Variants in MMP25 observed in about 807,000 individuals in gnomAD.
MMP25 encodes matrix metalloproteinase-25.
MMP25 carries 68 observed loss-of-function variants against 62.1 expected under a neutral mutation model. The ratio of observed to expected loss-of-function variants is 1.10; its 90% CI spans 0.90 to 1.34. The LOEUF (loss-of-function observed/expected upper bound fraction) is 1.34. MMP25 is among the 40% of genes most tolerant of loss of function. The pLI is 0.00. For missense variants in MMP25, 942 were observed against 792.5 expected (o/e 1.19, Z -2.26); for synonymous variants, 407 against 345.6 (o/e 1.18, Z -1.97).
rs1955826048 is a variant in MMP25 at position 3,046,801 on chromosome 16, A to C, written c.-117A>C. On this transcript the variant is annotated 5_prime_UTR_variant, in exon 1 of 10. Coordinates refer to ENST00000336577, the MANE Select transcript of MMP25 (RefSeq NM_022468.5). ...CCAGCCCTCCGGCCGATCCCTCCCT[A>C]CTCGGTGCCGGGTGCCCCCCGCCCT... The C allele has an allele frequency of 2.9e-5, 15 of 511,234 alleles. No homozygotes were observed. The highest frequency in any genetic ancestry group is 4.2e-5 in the Non-Finnish European group (13 of 306,042). 31.7% of individuals were successfully genotyped at this position (511,234 alleles called of 1,614,324 possible). A position where few individuals can be genotyped will look rare whatever the true frequency, so the allele number is the denominator to read the frequency against.
intron 4 of MMP25, among the ~76,000 whole-genome samples, chr16:3,055,537 T>A (rs764900618): frequency 2.6e-5 from 4 of 152,190 alleles, no homozygotes; most frequent in Non-Finnish European, 5.9e-5. Context: ...CCTTGAAGTC[T>A]CTGTGCCTCA....
At chr16:3,057,668 C>G in intron 7 of MMP25, 55 bp downstream of exon 7, 10 of 1,480,130 alleles carry the variant, frequency 6.8e-6, no homozygotes, top group Non-Finnish European at 9.5e-6. Context: ...CTTCCAGTGA[C>G]CCACTGGGGC....
Position 3,058,631 on chromosome 16 carries a change from C to T in MMP25, c.1379C>T (p.Ala460Val), listed in dbSNP as rs1281911650. Residue 460 changes from alanine (A) to valine (V), a missense_variant, in exon 9 of 10, where the codon GCG (alanine) becomes GTG (valine). By Grantham distance (64) the Ala-to-Val change is moderately conservative. Coordinates refer to ENST00000336577, the MANE Select transcript of MMP25 (RefSeq NM_022468.5). ...CGCGACCTGAGCCTCTGGGAAGGCG[C>T]GCCCCCCTCCCCTGACGATGTCACC... Reference protein sequence around the residue: ...YPRDLSLWEGAPPSPDDVTVS... With the variant: ...YPRDLSLWEGVPPSPDDVTVS... 5.0e-6 allele frequency: 8 copies of T among 1,605,414 alleles called. No homozygotes were observed. Among genetic ancestry groups the T allele is most frequent in the African/African-American group, 4.0e-5 (3 of 74,776 alleles).
In MMP25 at chr16:3,057,036, G is replaced by T. The variant is rs150589325; in HGVS notation, c.665G>T (p.Gly222Val). ...TCTCACCCACTTTCTCCTGCAGACG[G>T]CGAGGGGACCGACCTGTTTGCCGTG... The part of the protein sequence containing the change: ...EETWTFGSKD[G>V]EGTDLFAVAV... Residue 222 changes from glycine to valine, a missense_variant, in exon 5 of 10, where the codon GGC becomes GTC. Coordinates refer to ENST00000336577, the MANE Select transcript of MMP25 (RefSeq NM_022468.5). The T allele has an allele frequency of 7.9e-4, 1,240 of 1,569,682 alleles. 2 individuals are homozygous for T. Among genetic ancestry groups the T allele is most frequent in the Non-Finnish European group, 9.4e-4 (1,084 of 1,156,476 alleles).
At chr16:3,047,387 G>A (rs769230476) in intron 1 of MMP25, 28 bp from the exon 2 acceptor site, 5 of 1,597,960 alleles carry the variant, frequency 3.1e-6, no homozygotes, top group Admixed American at 3.4e-5. Flanking sequence ...CACCCAGCCC[G>A]CTTCACCTGC....
rs766778698 is a variant in MMP25 at position 3,057,397 on chromosome 16, G to A, written c.923+3G>A. 1.1e-5 allele frequency: 17 copies of A among 1,610,988 alleles called. No individual in the cohort carries two copies. The Admixed American group carries it at 2.8e-4, about 27-fold the overall frequency. ...CCCCCGGCCTCGCCCACACACAGGT[G>A]AGTCCCCCACCAACTCGGAGACCTT... On this transcript the variant is annotated splice_donor_region_variant and intron_variant, in intron 6 of 9. Coordinates refer to ENST00000336577, the MANE Select transcript of MMP25 (RefSeq NM_022468.5).
intron 4 of MMP25, chr16:3,055,735 C>T (rs1054786229): frequency 1.4e-5 from 6 of 434,388 alleles, no homozygotes; most frequent in African/African-American, 1.2e-4. Flanking sequence ...ACAGTGCTGA[C>T]CTTAGTTAGA....
rs1171533377 is a variant in MMP25, at chr16:3,059,318, G to A, written c.*220G>A. On this transcript the variant is annotated 3_prime_UTR_variant, in exon 10 of 10. Transcript: ENST00000336577. ...AGTCTCCTCAGGGTCTGAGACCCCG[G>A]CGCTGCCACCGGAACCCGCCTTCAG... 2.9e-5 allele frequency: 13 copies of A among 451,094 alleles called. No homozygotes were observed. Among genetic ancestry groups the A allele is most frequent in the South Asian group, 8.3e-5 (1 of 12,036 alleles). The allele number at this position is 451,094 out of a possible 1,614,324, so 27.9% of individuals were successfully genotyped here. A position where few individuals can be genotyped will look rare whatever the true frequency, so the allele number is the denominator to read the frequency against.
chr16:3,049,288 T>C (rs1427280824), intron 2 of MMP25, among the ~76,000 whole-genome samples: 1 of 152,038 alleles, frequency 6.6e-6, no homozygotes. Context: ...GCCGAGGAAC[T>C]CTTCTGTGGG....
At chr16:3,055,081 C>T in intron 4 of MMP25, 1 of 153,622 alleles carries the variant, frequency 6.5e-6, no homozygotes, top group Non-Finnish European at 1.5e-5. Flanking sequence ...GTGGCTGGGG[C>T]TGGGTGGAAG....
Position 3,050,008 on chromosome 16 carries a change from G to T in MMP25, c.233-1G>T. On this transcript the variant is annotated splice_acceptor_variant, in intron 2 of 9. Coordinates refer to ENST00000336577, the MANE Select transcript of MMP25 (RefSeq NM_022468.5). LOFTEE classifies it high-confidence loss of function. ...CCCCCACCGCCAAATGTCTCCCGCA[G>T]ACCCAGGGACAGTGGCCACCATGCG... 1 of 1,609,068 alleles carries T rather than the reference G, an allele frequency of 6.2e-7. No individual in the cohort carries two copies. Among genetic ancestry groups the T allele is most frequent in the South Asian group, 1.1e-5 (1 of 91,068 alleles).
At chr16:3,050,568 G>A (rs953383152) in intron 4 of MMP25, 22 bp downstream of exon 4, 3 of 1,509,620 alleles carry the variant, frequency 2.0e-6, no homozygotes, top group Non-Finnish European at 8.8e-7. Context: ...TCTCTTATGA[G>A]AGATCCTCTT....
rs889763943 is a variant in MMP25, at chr16:3,060,068, T to C, written c.*970T>C. 6.6e-6 allele frequency: 1 copy of C among 152,130 alleles called. No homozygotes were observed. The highest frequency in any genetic ancestry group is 2.4e-5 in the African/African-American group (1 of 41,366). The allele number at this position is 152,130 out of a possible 1,614,324, so 9.4% of individuals were successfully genotyped here. A position where few individuals can be genotyped will look rare whatever the true frequency, so the allele number is the denominator to read the frequency against. On this transcript the variant is annotated 3_prime_UTR_variant, in exon 10 of 10. Coordinates refer to ENST00000336577, the MANE Select transcript of MMP25 (RefSeq NM_022468.5). ...CCCTGGCTCAGGCCTGGTCATTGCCTCCTCAGCACTCCCTCCTGGGAGGCC... is the reference window on the plus strand; with the variant it reads ...CCCTGGCTCAGGCCTGGTCATTGCCCCCTCAGCACTCCCTCCTGGGAGGCC...
intron 2 of MMP25, 34 bp downstream of exon 2, chr16:3,047,581 C>G (rs1219466839): frequency 6.2e-7 from 1 of 1,605,690 alleles, no homozygotes; most frequent in Non-Finnish European, 8.5e-7. Flanking sequence ...AGCCCTGCCT[C>G]TGCACCCAGC....
Position 3,050,279 on chromosome 16 carries a change from C to T in MMP25, c.394C>T (p.Gln132Ter). The T allele has an allele frequency of 6.2e-7, 1 of 1,604,610 alleles. No homozygotes were observed. Among genetic ancestry groups the T allele is most frequent in the South Asian group, 1.1e-5 (1 of 90,324 alleles). Reference sequence around the variant, plus strand: ...GGTACGTTCCTTCCCCCAGAGCTCCCAGCTGAGCCAGGAGACCGTGCGGGT... The same window carrying T: ...GGTACGTTCCTTCCCCCAGAGCTCCTAGCTGAGCCAGGAGACCGTGCGGGT... ...WRVRSFPQSS[Q>*]LSQETVRVLM... Residue 132 changes from glutamine to a stop codon, truncating the protein, a stop_gained, in exon 4 of 10, where the codon CAG (glutamine) becomes TAG (stop). Coordinates refer to ENST00000336577, the MANE Select transcript of MMP25 (RefSeq NM_022468.5). LOFTEE classifies it high-confidence loss of function.
At chr16:3,051,772 C>T (rs1955905746) in intron 4 of MMP25, 1 of 152,084 alleles carries the variant, frequency 6.6e-6, no homozygotes, top group East Asian at 1.9e-4. Flanking sequence ...AGATGTTGGC[C>T]CAAAGCTCTT....
intron 7 of MMP25, 86 bp downstream of exon 7, chr16:3,057,699 G>A (rs1038037541): frequency 7.8e-6 from 10 of 1,274,942 alleles, no homozygotes; most frequent in East Asian, 4.6e-5. Context: ...CCCTGGAAGC[G>A]GAACTTTTTT....
At chr16:3,052,545 G>A (rs914664974) in intron 4 of MMP25, 6 of 152,188 alleles carry the variant, frequency 3.9e-5, no homozygotes, top group African/African-American at 1.2e-4. Flanking sequence ...GTGGTCCTGG[G>A]GAAGGGGGCA....
At chr16:3,049,759 A>C (rs1182597391) in intron 2 of MMP25, among the ~76,000 whole-genome samples, 2 of 152,182 alleles carry the variant, frequency 1.3e-5, no homozygotes, top group Non-Finnish European at 2.9e-5. Context: ...GCCTCTGAGC[A>C]TCACCTGCAT....
Sources: allele counts gnomAD v4.1 joint callset (sites outside exome capture counted in the v4.1 genomes callset), GRCh38; gene constraint gnomAD v4.1.1; transcripts MANE v1.5; gene names NCBI Gene and HGNC (gene_info 2026-07-23, HGNC 2026-07-21).